The following PACRG variants were observed in gnomAD, a reference collection of about 807,000 sequenced individuals.
The protein encoded by PACRG is parkin coregulated gene protein.
PACRG carries 29 observed loss-of-function variants against 29.7 expected under a neutral mutation model. The ratio of observed to expected loss-of-function variants is 0.98; its 90% CI spans 0.73 to 1.33. The LOEUF (loss-of-function observed/expected upper bound fraction) is 1.33. PACRG is among the 40% of genes most tolerant of loss of function. The pLI, the probability that PACRG is intolerant of heterozygous loss-of-function variation, is 0.00. For synonymous variants in PACRG, 116 were observed against 118.7 expected, an observed-to-expected ratio of 0.98 and a Z score of 0.15; for missense variants, 279 against 316.2, an observed-to-expected ratio of 0.88 and a Z score of 0.89.
At chr6:163,066,988 G>C (rs1227971941) in intron 3 of PACRG, among the ~76,000 whole-genome samples, 1 of 152,168 alleles carries the variant, frequency 6.6e-6, no homozygotes, top group Non-Finnish European at 1.5e-5. Flanking sequence ...TCATATTTGA[G>C]AAAGAATCAG....
intron 4 of PACRG, among the ~76,000 whole-genome samples, chr6:163,121,903 C>T (rs1816291689): frequency 6.6e-6 from 1 of 152,062 alleles, no homozygotes; most frequent in Non-Finnish European, 1.5e-5. Flanking sequence ...ACCTTGTGAT[C>T]TGCCTGCCTC....
At chr6:162,770,530 A>G (rs748864982) in intron 1 of PACRG, among the ~76,000 whole-genome samples, 1 of 152,150 alleles carries the variant, frequency 6.6e-6, no homozygotes, top group African/African-American at 2.4e-5. Flanking sequence ...TTTCCATTTC[A>G]TCAATCACAT....
chr6:163,153,830 T>A lies in PACRG; in HGVS notation c.613+64422T>A, dbSNP rs543315987. 5.7e-4 allele frequency among the ~76,000 whole-genome samples: 87 copies of A among 152,286 alleles called. 1 individual carries two copies. The highest frequency in any genetic ancestry group is 2.0e-3 in the African/African-American group (84 of 41,558). ...ACTATTTTGTGACATGTCAATACTA[T>A]CGCTATTGAGTGTAAAATGCATGAG... On this transcript the variant is annotated intron_variant, in intron 4 of 4. Coordinates refer to ENST00000366888, the MANE Select transcript of PACRG (RefSeq NM_001080379.2).
chr6:163,287,536 G>A (rs1226589396), intron 4 of PACRG, among the ~76,000 whole-genome samples: 1 of 152,204 alleles, frequency 6.6e-6, no homozygotes, highest in African/African-American at 2.4e-5. Context: ...CAGCTCTGGG[G>A]ACACTTCGAG....
intron 1 of PACRG, among the ~76,000 whole-genome samples, chr6:162,768,289 C>T (rs889690676): frequency 6.6e-6 from 1 of 151,966 alleles, no homozygotes; most frequent in Non-Finnish European, 1.5e-5. Context: ...ATTCAACAAC[C>T]TTGTGGTTTC....
intron 4 of PACRG, among the ~76,000 whole-genome samples, chr6:163,297,346 C>A (rs6922260): frequency 6.6e-6 from 1 of 152,116 alleles, no homozygotes; most frequent in Non-Finnish European, 1.5e-5. Context: ...TAAGGAGGCT[C>A]GTGTTGCAGC....
intron 4 of PACRG, among the ~76,000 whole-genome samples, chr6:163,308,440 C>T (rs772317765): frequency 7.2e-5 from 11 of 152,208 alleles, no homozygotes; most frequent in East Asian, 1.9e-4. Flanking sequence ...CCAAGGCGAG[C>T]GGATCACTTG....
chr6:163,264,663 A>G (rs1238515110), intron 4 of PACRG, among the ~76,000 whole-genome samples: 1 of 152,190 alleles, frequency 6.6e-6, no homozygotes, highest in Non-Finnish European at 1.5e-5. Flanking sequence ...TTTGCAGGGT[A>G]TATACACGGT....
At chr6:162,932,941 G>A (rs1435275442) in intron 2 of PACRG, among the ~76,000 whole-genome samples, 2 of 150,914 alleles carry the variant, frequency 1.3e-5, no homozygotes, top group African/African-American at 4.9e-5. Flanking sequence ...CTAATTCTCT[G>A]AGATACATCA....
intron 1 of PACRG, among the ~76,000 whole-genome samples, chr6:162,812,062 A>T (rs934070772): frequency 6.6e-6 from 1 of 152,152 alleles, no homozygotes; most frequent in African/African-American, 2.4e-5. Flanking sequence ...TGAAGAGGAC[A>T]TAGTTGTTGC....
At chr6:163,062,425 T>G in intron 3 of PACRG, 104 bp downstream of exon 3, 1 of 1,279,950 alleles carries the variant, frequency 7.8e-7, no homozygotes, top group Non-Finnish European at 1.0e-6. Context: ...GATCCCCAGT[T>G]TTGCAGGAAT....
At chr6:163,017,318 C>T (rs796428786) in intron 2 of PACRG, among the ~76,000 whole-genome samples, 24 of 152,230 alleles carry the variant, frequency 1.6e-4, no homozygotes, top group African/African-American at 5.5e-4. Flanking sequence ...CGGATTTTTA[C>T]TACACTTACA....
intron 1 of PACRG, among the ~76,000 whole-genome samples, chr6:162,792,940 G>A (rs1040570195): frequency 3.3e-5 from 5 of 152,196 alleles, no homozygotes; most frequent in Admixed American, 2.0e-4. Flanking sequence ...GGCATGGTGA[G>A]TTTGGTCTGG....
chr6:163,091,131 C>G (rs767268055), intron 4 of PACRG, among the ~76,000 whole-genome samples: 3 of 152,188 alleles, frequency 2.0e-5, no homozygotes, highest in Non-Finnish European at 4.4e-5. Context: ...GAACTTATAT[C>G]TAAGCATCAT....
intron 2 of PACRG, among the ~76,000 whole-genome samples, chr6:162,875,333 A>G (rs1793238446): frequency 1.3e-5 from 2 of 151,992 alleles, no homozygotes; most frequent in African/African-American, 4.8e-5. Flanking sequence ...ACACACAGAC[A>G]TGCACACACA....
At chr6:162,999,405 G>A (rs1355988844) in intron 2 of PACRG, among the ~76,000 whole-genome samples, 36 of 152,130 alleles carry the variant, frequency 2.4e-4, no homozygotes, top group Non-Finnish European at 1.5e-5. Flanking sequence ...TTGTTTACTG[G>A]CCTGTGAGTT....
intron 4 of PACRG, among the ~76,000 whole-genome samples, chr6:163,234,248 A>AGGTGTGT (rs25625): frequency 0.72 from 109,129 of 151,484 alleles, 40,189 homozygotes; most frequent in African/African-American, 0.88. Context: ...GCCTGGTGGG[A>AGGTGTGT]GGGTCATGGG....
chr6:163,079,509 T>A (rs1812871839), intron 3 of PACRG, among the ~76,000 whole-genome samples: 1 of 152,164 alleles, frequency 6.6e-6, no homozygotes, highest in Non-Finnish European at 1.5e-5. Context: ...GCTTTGCTGA[T>A]ACAGTTTATT....
chr6:163,265,267 C>G (rs192864012), intron 4 of PACRG, among the ~76,000 whole-genome samples: 264 of 152,234 alleles, frequency 1.7e-3, no homozygotes, highest in Non-Finnish European at 2.8e-3. Context: ...GTGGGTGGCT[C>G]CATCACCTGT....
Sources: gnomAD v4.1 joint callset for allele counts (sites outside exome capture counted in the v4.1 genomes callset) on GRCh38, gnomAD v4.1.1 for gene constraint, MANE v1.5 for transcripts, NCBI Gene and HGNC (gene_info 2026-07-23, HGNC 2026-07-21) for gene names.